Variants in GNAQ observed in about 807,000 individuals in gnomAD.
The protein encoded by GNAQ is guanine nucleotide-binding protein G(q) subunit alpha.
In GNAQ, 8 loss-of-function variants were observed where a neutral mutation model predicts 43.9. The ratio of observed to expected loss-of-function variants is 0.18; its 90% CI spans 0.11 to 0.33. The LOEUF (loss-of-function observed/expected upper bound fraction) is 0.33. Ranked by LOEUF, GNAQ falls within the 10% of genes least tolerant of loss-of-function variation. GNAQ has a pLI of 1.00. For missense variants in GNAQ, 158 were observed against 450.8 expected (o/e 0.35, Z 5.88); for synonymous variants, 155 against 170.7 (o/e 0.91, Z 0.71).
Position 77,854,950 on chromosome 9 carries a change from G to GA in GNAQ, c.322-39181dup, listed in dbSNP as rs1193874812. 2.2e-4 allele frequency among the ~76,000 whole-genome samples: 33 copies of GA among 152,142 alleles called. 1 individual carries two copies. Among genetic ancestry groups the GA allele is most frequent in the Non-Finnish European group, 8.8e-5 (6 of 68,040 alleles). ...AAGAACAAATAACCAGTCTTTCTGG[G>GA]AAATGGGCACTTCAAAAGTAGGAGA... is the stretch of plus-strand genomic sequence containing the variant. On this transcript the variant is annotated intron_variant, in intron 2 of 6. Transcript: ENST00000286548.
chr9:77,935,936 AT>A (rs1829224801), intron 1 of GNAQ, among the ~76,000 whole-genome samples: 1 of 152,212 alleles, frequency 6.6e-6, no homozygotes, highest in Non-Finnish European at 1.5e-5. Flanking sequence ...TAAATTGCAC[AT>A]GGAAATATGC....
intron 5 of GNAQ, among the ~76,000 whole-genome samples, chr9:77,783,760 T>TAAA (rs1564109530): frequency 6.6e-6 from 1 of 152,156 alleles, no homozygotes; most frequent in African/African-American, 2.4e-5. Context: ...CTTCTGACTT[T>TAAA]AAAAAAGAAT....
At chr9:78,009,580 A>G (rs540146440) in intron 1 of GNAQ, among the ~76,000 whole-genome samples, 7 of 152,266 alleles carry the variant, frequency 4.6e-5, no homozygotes, top group Non-Finnish European at 8.8e-5. Context: ...GACTATGGCA[A>G]TCTGTCTTGA....
chr9:77,724,505 T>A (rs1357630856), intron 6 of GNAQ, among the ~76,000 whole-genome samples: 1 of 152,178 alleles, frequency 6.6e-6, no homozygotes, highest in Admixed American at 6.5e-5. Context: ...CAGGTTTTTT[T>A]CTATCATCAA....
intron 5 of GNAQ, among the ~76,000 whole-genome samples, chr9:77,747,115 G>A (rs1461904617): frequency 6.6e-6 from 1 of 151,986 alleles, no homozygotes; most frequent in African/African-American, 2.4e-5. Flanking sequence ...GAGGTAGAGT[G>A]GAAACACAGG....
At position 78,020,760 on chromosome 9, in the gene GNAQ, G is replaced by A. The variant is rs539007423; in HGVS notation, c.136+10340C>T. Among the ~76,000 whole-genome samples, 3 of 152,188 alleles carry A rather than the reference G, an allele frequency of 2.0e-5. No individual in the cohort carries two copies. In the South Asian group the frequency reaches 6.2e-4, roughly 32 times the overall value. On this transcript the variant is annotated intron_variant, in intron 1 of 6. Transcript: ENST00000286548. ...CACCCTCTGCCCTTCCAAGCCCCAC[G>A]GGACTCCCTATTACTCTACTTTACC...
chr9:78,030,467 C>G (rs531410182), intron 1 of GNAQ: 25 of 468,820 alleles, frequency 5.3e-5, no homozygotes, highest in African/African-American at 4.8e-4. Flanking sequence ...GCCTCGCCCC[C>G]AGTACACAGA....
chr9:77,932,118 G>C (rs1829161575), intron 1 of GNAQ, among the ~76,000 whole-genome samples: 1 of 152,278 alleles, frequency 6.6e-6, no homozygotes, highest in African/African-American at 2.4e-5. Context: ...AGCTGCCTTT[G>C]GTTTTGATCC....
intron 2 of GNAQ, among the ~76,000 whole-genome samples, chr9:77,895,915 G>A (rs757723584): frequency 6.6e-6 from 1 of 152,026 alleles, no homozygotes; most frequent in Non-Finnish European, 1.5e-5. Flanking sequence ...CTTGCCTTCC[G>A]CCACGATTGT....
intron 1 of GNAQ, among the ~76,000 whole-genome samples, chr9:77,962,103 A>C (rs2118424470): frequency 6.6e-6 from 1 of 152,308 alleles, no homozygotes; most frequent in South Asian, 2.1e-4. Flanking sequence ...ACCTGATGAC[A>C]CAAAAATAGA....
chr9:77,731,863 A>T (rs904555320), intron 5 of GNAQ, among the ~76,000 whole-genome samples: 1 of 152,174 alleles, frequency 6.6e-6, no homozygotes, highest in African/African-American at 2.4e-5. Context: ...TACAGCCGAG[A>T]GTTTGATTCT....
chr9:77,834,735 T>C (rs529486322), intron 2 of GNAQ, among the ~76,000 whole-genome samples: 2 of 152,264 alleles, frequency 1.3e-5, no homozygotes, highest in African/African-American at 2.4e-5. Context: ...GACATTTCCA[T>C]AAGATTATCA....
rs192165999 is a variant in GNAQ at position 77,767,404 on chromosome 9, T to C, written c.735+27059A>G. Among the ~76,000 whole-genome samples, 4 of 152,266 alleles carry C rather than the reference T, an allele frequency of 2.6e-5. No individual in the cohort carries two copies. The East Asian group carries it at 7.7e-4, about 29-fold the overall frequency. On this transcript the variant is annotated intron_variant, in intron 5 of 6. Coordinates refer to ENST00000286548, the MANE Select transcript of GNAQ (RefSeq NM_002072.5). ...CAAATTAGCCTCCCCCTAACTCTGC[T>C]GAGAACCACTGCTCTGAACATACCA...
intron 2 of GNAQ, among the ~76,000 whole-genome samples, chr9:77,818,988 A>T (rs1383653656): frequency 7.0e-6 from 1 of 143,386 alleles, no homozygotes; most frequent in Non-Finnish European, 1.5e-5. Context: ...TAACAGAGAG[A>T]AATACCATCT....
At chr9:77,758,350 A>G (rs1825936085) in intron 5 of GNAQ, among the ~76,000 whole-genome samples, 1 of 152,268 alleles carries the variant, frequency 6.6e-6, no homozygotes, top group Non-Finnish European at 1.5e-5. Flanking sequence ...AAAGCCTTGT[A>G]CAACATCACA....
At chr9:77,816,341 T>A (rs1827014503) in intron 2 of GNAQ, among the ~76,000 whole-genome samples, 1 of 152,184 alleles carries the variant, frequency 6.6e-6, no homozygotes, top group African/African-American at 2.4e-5. Context: ...ACCCCTCCAC[T>A]CTTATGCACC....
At chr9:77,837,274 C>T (rs1386698241) in intron 2 of GNAQ, among the ~76,000 whole-genome samples, 2 of 152,022 alleles carry the variant, frequency 1.3e-5, no homozygotes, top group African/African-American at 4.8e-5. Flanking sequence ...TTGTTTCTGG[C>T]AGGCTGGTGG....
intron 1 of GNAQ, among the ~76,000 whole-genome samples, chr9:77,957,883 T>C (rs1458134413): frequency 1.3e-5 from 2 of 152,200 alleles, no homozygotes; most frequent in Non-Finnish European, 2.9e-5. Flanking sequence ...ACGTGGCTTA[T>C]GTGGTATGTC....
intron 1 of GNAQ, among the ~76,000 whole-genome samples, chr9:77,956,772 A>G (rs1384608293): frequency 6.6e-6 from 1 of 152,174 alleles, no homozygotes; most frequent in Non-Finnish European, 1.5e-5. Flanking sequence ...TGTACTCAAC[A>G]TTGAATGAGA....
Sources: gnomAD v4.1 joint callset for allele counts (sites outside exome capture counted in the v4.1 genomes callset) on GRCh38, gnomAD v4.1.1 for gene constraint, MANE v1.5 for transcripts, NCBI Gene and HGNC (gene_info 2026-07-23, HGNC 2026-07-21) for gene names.